Variants in ZNF804B observed in about 807,000 individuals in gnomAD.
The protein encoded by ZNF804B is zinc finger protein 804B, also known as zinc finger 804B.
A neutral mutation model predicts 101.4 loss-of-function variants in ZNF804B; 80 were observed. The observed-to-expected ratio is 0.79, with a 90% CI of 0.66 to 0.95. ZNF804B has a LOEUF of 0.95. Among genes scored for constraint, ZNF804B ranks in the 40% least tolerant of loss-of-function variants. ZNF804B has a pLI of 0.00. For missense variants in ZNF804B, 1,673 were observed against 1,561.9 expected, an observed-to-expected ratio of 1.07 and a Z score of -1.20; for synonymous variants, 622 against 558.8, an observed-to-expected ratio of 1.11 and a Z score of -1.59.
At chr7:89,087,673 C>T (rs1228579756) in intron 1 of ZNF804B, among the ~76,000 whole-genome samples, 1 of 151,712 alleles carries the variant, frequency 6.6e-6, no homozygotes, top group African/African-American at 2.4e-5. Flanking sequence ...AATGTGGAAC[C>T]CATTGGTAGA....
chr7:89,083,722 A>C (rs532601922), intron 1 of ZNF804B, among the ~76,000 whole-genome samples: 17 of 152,034 alleles, frequency 1.1e-4, no homozygotes, highest in African/African-American at 3.4e-4. Context: ...GAGACCGTTA[A>C]ACTTTGAAGA....
intron 1 of ZNF804B, among the ~76,000 whole-genome samples, chr7:89,079,149 A>G (rs562061197): frequency 6.6e-5 from 10 of 152,192 alleles, no homozygotes; most frequent in African/African-American, 2.4e-4. Flanking sequence ...TAGAGGCCAC[A>G]AAATATAGAG....
intron 1 of ZNF804B, among the ~76,000 whole-genome samples, chr7:88,844,987 T>G (rs918632822): frequency 2.0e-5 from 3 of 152,214 alleles, no homozygotes; most frequent in Non-Finnish European, 2.9e-5. Context: ...AAAACCATCA[T>G]AGAAATCCTT....
In ZNF804B at chr7:89,338,036, A is replaced by AAT. The variant is rs747025132; in HGVS notation, c.*1006_*1007dup. Among the ~76,000 whole-genome samples the AAT allele has an allele frequency of 2.0e-5, 3 of 152,218 alleles. No homozygotes were observed. Among genetic ancestry groups the AAT allele is most frequent in the Non-Finnish European group, 4.4e-5 (3 of 67,954 alleles). The stretch of plus-strand genomic sequence containing the variant: ...ATTTATGAAACAATGAATAATGATG[A>AAT]ATAAATTCACCATCCATGTAATGTT... On this transcript the variant is annotated 3_prime_UTR_variant, in exon 4 of 4. Coordinates refer to ENST00000333190, the MANE Select transcript of ZNF804B (RefSeq NM_181646.5).
In ZNF804B at chr7:88,832,151, A is replaced by G. The variant is rs151126558; in HGVS notation, c.108+72067A>G. On this transcript the variant is annotated intron_variant, in intron 1 of 3. Coordinates refer to ENST00000333190, the MANE Select transcript of ZNF804B (RefSeq NM_181646.5). ...TAGAAGCCAATGGTGATGCATTTCC[A>G]CAGGAACTATTCCTGCTCAAAAAAA... Among the ~76,000 whole-genome samples the G allele has an allele frequency of 2.3e-3, 341 of 149,316 alleles. 3 individuals carry two copies. Among genetic ancestry groups the G allele is most frequent in the African/African-American group, 8.2e-3 (327 of 39,890 alleles).
chr7:88,829,653 AGTGT>A (rs1358682012), intron 1 of ZNF804B, among the ~76,000 whole-genome samples: 1 of 152,122 alleles, frequency 6.6e-6, no homozygotes, highest in Non-Finnish European at 1.5e-5. Flanking sequence ...AGAAGTTGGA[AGTGT>A]GTTATGTTAG....
At chr7:89,006,893 T>A (rs1788375295) in intron 1 of ZNF804B, among the ~76,000 whole-genome samples, 1 of 152,170 alleles carries the variant, frequency 6.6e-6, no homozygotes, top group Admixed American at 6.5e-5. Flanking sequence ...AGCACTTCTT[T>A]GTGGACTGAC....
chr7:88,943,972 T>C (rs1190468878), intron 1 of ZNF804B, among the ~76,000 whole-genome samples: 1 of 151,878 alleles, frequency 6.6e-6, no homozygotes, highest in Non-Finnish European at 1.5e-5. Flanking sequence ...TTGCAATGCG[T>C]GGCTGTATAA....
intron 1 of ZNF804B, among the ~76,000 whole-genome samples, chr7:89,060,702 A>G (rs989889477): frequency 2.6e-5 from 4 of 152,138 alleles, no homozygotes; most frequent in Admixed American, 2.6e-4. Context: ...TCCAGTACTG[A>G]GATATATATT....
At chr7:89,011,241 G>T (rs1000618236) in intron 1 of ZNF804B, among the ~76,000 whole-genome samples, 2 of 152,108 alleles carry the variant, frequency 1.3e-5, no homozygotes, top group African/African-American at 4.8e-5. Context: ...CCCTTCCCAT[G>T]ATCCAATTAC....
At chr7:88,887,344 G>A (rs1179199369) in intron 1 of ZNF804B, among the ~76,000 whole-genome samples, 3 of 151,972 alleles carry the variant, frequency 2.0e-5, no homozygotes, top group Non-Finnish European at 2.9e-5. Flanking sequence ...GACCTTTGTC[G>A]GATGCATACT....
chr7:89,091,904 G>A (rs1261830421), intron 1 of ZNF804B, among the ~76,000 whole-genome samples: 1 of 152,044 alleles, frequency 6.6e-6, no homozygotes, highest in African/African-American at 2.4e-5. Context: ...AAGTTAAGGG[G>A]AATTCTTATG....
chr7:88,960,165 T>C (rs1293302325), intron 1 of ZNF804B, among the ~76,000 whole-genome samples: 4 of 151,618 alleles, frequency 2.6e-5, no homozygotes, highest in Admixed American at 2.0e-4. Flanking sequence ...GTTTATTCAA[T>C]TATTTTCAAA....
rs148917511 is a variant in ZNF804B at position 88,798,685 on chromosome 7, C to T, written c.108+38601C>T. 5.4e-3 allele frequency among the ~76,000 whole-genome samples: 818 copies of T among 152,132 alleles called. 9 individuals are homozygous for T. The highest frequency in any genetic ancestry group is 0.019 in the African/African-American group (783 of 41,512). Reference sequence around the variant, plus strand: ...ATTCATCAATCACACTCTGAACTGTCAAGAGTAAGTTCTGACTAGATAGAA... The same window carrying T: ...ATTCATCAATCACACTCTGAACTGTTAAGAGTAAGTTCTGACTAGATAGAA... On this transcript the variant is annotated intron_variant, in intron 1 of 3. Transcript: ENST00000333190.
At chr7:88,761,064 T>C (rs2718300) in intron 1 of ZNF804B, among the ~76,000 whole-genome samples, 25,179 of 151,508 alleles carry the variant, frequency 0.17, 2,184 homozygotes, top group African/African-American at 0.23. Context: ...ATTGCCCAAC[T>C]TTAATTTTTT....
chr7:89,125,063 A>G (rs1790459300), intron 1 of ZNF804B, among the ~76,000 whole-genome samples: 1 of 147,700 alleles, frequency 6.8e-6, no homozygotes, highest in African/African-American at 2.5e-5. Context: ...ATCAAGCTGT[A>G]TTTAATTTTG....
intron 1 of ZNF804B, among the ~76,000 whole-genome samples, chr7:88,979,336 C>A (rs78031542): frequency 0.018 from 2,666 of 151,942 alleles, 81 homozygotes; most frequent in African/African-American, 0.061. Flanking sequence ...GATTGAAGTA[C>A]TCTCTTTAGC....
intron 1 of ZNF804B, among the ~76,000 whole-genome samples, chr7:88,880,032 C>A (rs778201250): frequency 2.1e-5 from 3 of 144,700 alleles, no homozygotes; most frequent in Non-Finnish European, 3.0e-5. Context: ...GGCTACACAG[C>A]GAGACTGTCT....
chr7:88,933,949 C>G (rs1298104921), intron 1 of ZNF804B, among the ~76,000 whole-genome samples: 1 of 146,508 alleles, frequency 6.8e-6, no homozygotes, highest in East Asian at 2.0e-4. Flanking sequence ...AAAAAAAAGC[C>G]CACATAGCCA....
Sources: gnomAD v4.1 joint callset for allele counts (sites outside exome capture counted in the v4.1 genomes callset) on GRCh38, gnomAD v4.1.1 for gene constraint, MANE v1.5 for transcripts, NCBI Gene and HGNC (gene_info 2026-07-23, HGNC 2026-07-21) for gene names.